The following CFAP95 variants were observed in gnomAD, a reference collection of about 807,000 sequenced individuals.
CFAP95 encodes cilia and flagella associated protein 95.
the CFAP95 span, among the ~76,000 whole-genome samples, chr9:69,838,017 G>A: frequency 7.2e-5 from 11 of 152,250 alleles, no homozygotes; most frequent in Admixed American, 2.6e-4. Flanking sequence ...GTTTTTCTCA[G>A]GTTTGTTAAA....
chr9:69,826,973 C>T, the CFAP95 span, among the ~76,000 whole-genome samples: 1 of 152,270 alleles, frequency 6.6e-6, no homozygotes, highest in African/African-American at 2.4e-5. Flanking sequence ...TTTTCACAGC[C>T]ATGCTCTTGA....
At chr9:69,894,794 G>A in the CFAP95 span, among the ~76,000 whole-genome samples, 1 of 152,128 alleles carries the variant, frequency 6.6e-6, no homozygotes, top group South Asian at 2.1e-4. Context: ...AGACACAGTG[G>A]ATCACACCTG....
the CFAP95 span, among the ~76,000 whole-genome samples, chr9:69,848,836 C>A: frequency 1.3e-5 from 2 of 152,168 alleles, no homozygotes; most frequent in East Asian, 3.8e-4. Context: ...TGAAAATCCT[C>A]TTGGGACAAA....
chr9:69,892,745 A>T, the CFAP95 span, among the ~76,000 whole-genome samples: 4,179 of 152,170 alleles, frequency 0.027, 192 homozygotes, highest in African/African-American at 0.094. Flanking sequence ...GAAGGAGAGA[A>T]GAGAAAAAGC....
At chr9:69,843,504 CCCCTCCTCCTCCTCCT>C in the CFAP95 span, among the ~76,000 whole-genome samples, 125 of 7,310 alleles carry the variant, frequency 0.017, 18 homozygotes, top group African/African-American at 0.035. Flanking sequence ...TCCTCCTCCC[CCCCTCCTCCTCCTCCT>C]CCTCCTCCTC....
the CFAP95 span, among the ~76,000 whole-genome samples, chr9:69,824,211 G>A: frequency 6.6e-6 from 1 of 152,168 alleles, no homozygotes; most frequent in African/African-American, 2.4e-5. Context: ...TTGAACTAAG[G>A]ATAGGGACAA....
At chr9:69,879,001 A>T in the CFAP95 span, among the ~76,000 whole-genome samples, 2 of 151,730 alleles carry the variant, frequency 1.3e-5, no homozygotes, top group Non-Finnish European at 2.9e-5. Context: ...TAGTGCGAGA[A>T]CTCACTCACT....
the CFAP95 span, among the ~76,000 whole-genome samples, chr9:69,841,198 T>TATATA: frequency 2.6e-5 from 1 of 38,488 alleles, no homozygotes; most frequent in East Asian, 8.4e-4. Context: ...ATATATATAT[T>TATATA]TCTGATTTAA....
chr9:69,884,426 C>T, the CFAP95 span: 1 of 152,186 alleles, frequency 6.6e-6, no homozygotes, highest in African/African-American at 2.4e-5. Context: ...CTGAGCCAGC[C>T]AGTGTAGGAG....
the CFAP95 span, chr9:69,902,450 G>A: frequency 1.6e-4 from 57 of 352,604 alleles, no homozygotes; most frequent in Non-Finnish European, 4.4e-5. Flanking sequence ...TTAGAAGCTG[G>A]TATGACTTTT....
the CFAP95 span, among the ~76,000 whole-genome samples, chr9:69,860,603 TC>T: frequency 1.8e-5 from 1 of 55,596 alleles, no homozygotes; most frequent in Non-Finnish European, 4.1e-5. Context: ...TTATACCTTT[TC>T]TTTTTTTTTT....
At chr9:69,893,074 G>T in the CFAP95 span, among the ~76,000 whole-genome samples, 4 of 152,320 alleles carry the variant, frequency 2.6e-5, no homozygotes, top group East Asian at 7.7e-4. Context: ...TAAACACTTA[G>T]CCATCTGTGG....
chr9:69,826,553 A>G, the CFAP95 span, among the ~76,000 whole-genome samples: 1 of 152,214 alleles, frequency 6.6e-6, no homozygotes, highest in Non-Finnish European at 1.5e-5. Flanking sequence ...TTTTTGCTGA[A>G]ATCCACAAGG....
the CFAP95 span, among the ~76,000 whole-genome samples, chr9:69,897,761 G>A: frequency 1.5e-3 from 230 of 152,250 alleles, no homozygotes; most frequent in East Asian, 0.022. Flanking sequence ...TGGATACCAG[G>A]AGACCCCATT....
chr9:69,880,202 C>G, the CFAP95 span, among the ~76,000 whole-genome samples: 1 of 152,136 alleles, frequency 6.6e-6, no homozygotes. Flanking sequence ...TGACTATAGT[C>G]CCCACGTTGT....
At chr9:69,837,766 C>T in the CFAP95 span, among the ~76,000 whole-genome samples, 1 of 152,044 alleles carries the variant, frequency 6.6e-6, no homozygotes, top group Non-Finnish European at 1.5e-5. Flanking sequence ...TTGGCTTTTG[C>T]TGCCATTGCT....
chr9:69,840,550 C>A, the CFAP95 span, among the ~76,000 whole-genome samples: 4 of 152,248 alleles, frequency 2.6e-5, no homozygotes. Flanking sequence ...GGCCACTGTT[C>A]CCCTAACATA....
At chr9:69,892,144 T>C in the CFAP95 span, among the ~76,000 whole-genome samples, 1 of 152,226 alleles carries the variant, frequency 6.6e-6, no homozygotes, top group Admixed American at 6.5e-5. Flanking sequence ...TTTTAGCATG[T>C]AATTCAATGG....
chr9:69,873,872 T>G, the CFAP95 span, among the ~76,000 whole-genome samples: 8 of 152,210 alleles, frequency 5.3e-5, no homozygotes, highest in African/African-American at 1.9e-4. Context: ...TCACATATGT[T>G]ACCACTGGTG....
Sources: gnomAD v4.1 joint callset for allele counts (sites outside exome capture counted in the v4.1 genomes callset) on GRCh38, gnomAD v4.1.1 for gene constraint, MANE v1.5 for transcripts, NCBI Gene and HGNC (gene_info 2026-07-23, HGNC 2026-07-21) for gene names.